ARMC9: variants seen among roughly 807,000 people sequenced by gnomAD.
The protein encoded by ARMC9 is lisH domain-containing protein ARMC9.
A neutral mutation model predicts 107.0 loss-of-function variants in ARMC9; 94 were observed. The ratio of observed to expected loss-of-function variants is 0.88; its 90% CI spans 0.74 to 1.04. ARMC9 has a LOEUF of 1.04. Among genes scored for constraint, ARMC9 ranks in the 50% least tolerant of loss-of-function variants. The pLI is 0.00. For missense variants in ARMC9, 942 were observed against 1,030.1 expected (o/e 0.91, Z 1.17); for synonymous variants, 380 against 396.9 (o/e 0.96, Z 0.51).
intron 12 of ARMC9, among the ~76,000 whole-genome samples, chr2:231,266,147 G>T (rs2038843370): frequency 6.6e-6 from 1 of 152,148 alleles, no homozygotes; most frequent in Non-Finnish European, 1.5e-5. Flanking sequence ...TGAATTCGTT[G>T]GTTCATTCCT....
Position 231,231,014 on chromosome 2 carries a change from G to A in ARMC9, c.623-4210G>A, listed in dbSNP as rs1036935448. Among the ~76,000 whole-genome samples, 40 of 152,154 alleles carry A rather than the reference G, an allele frequency of 2.6e-4. 1 individual carries two copies. Among genetic ancestry groups the A allele is most frequent in the Admixed American group, 9.2e-4 (14 of 15,260 alleles). ...TGCAGGCAGTTAGGCCTTTTATCCC[G>A]GAGATGTGCCACACTTTGAAATTGT... On this transcript the variant is annotated intron_variant, in intron 7 of 24. Transcript: ENST00000611582.
At chr2:231,266,318 G>T (rs1574867380) in intron 12 of ARMC9, among the ~76,000 whole-genome samples, 1 of 152,190 alleles carries the variant, frequency 6.6e-6, no homozygotes, top group African/African-American at 2.4e-5. Context: ...TAATACTGCT[G>T]GTCCAGGATG....
rs1279046693 is a variant in ARMC9 at position 231,345,019 on chromosome 2, T to C, written c.1923T>C (p.Asn641=). The stretch of plus-strand genomic sequence containing the variant: ...AGACAAGGCGGAAGGGGCTGGCTAA[T>C]GTGCAGTGGAGCGGGGATGAGCCCC... The part of the protein sequence containing the change: ...TGKTRRKGLA[N]VQWSGDEPLQ... The change falls in exon 21 of 25, where the codon AAT becomes AAC. Residue 641 remains asparagine (N), a synonymous_variant. Transcript: ENST00000611582. The C allele has an allele frequency of 1.9e-6, 3 of 1,614,062 alleles. No homozygotes were observed. The South Asian group carries it at 3.3e-5, about 18-fold the overall frequency.
At chr2:231,267,694 G>A (rs2038974137) in intron 12 of ARMC9, among the ~76,000 whole-genome samples, 1 of 152,186 alleles carries the variant, frequency 6.6e-6, no homozygotes, top group Admixed American at 6.5e-5. Flanking sequence ...ATGGAAGGGG[G>A]AGCTAGAACT....
intron 23 of ARMC9, among the ~76,000 whole-genome samples, chr2:231,368,211 C>G (rs2045889616): frequency 6.6e-6 from 1 of 152,010 alleles, no homozygotes; most frequent in Admixed American, 6.6e-5. Flanking sequence ...ACGTACAAAG[C>G]TCCTTTGTAT....
Position 231,206,230 on chromosome 2 carries a change from C to A in ARMC9, c.-9C>A, listed in dbSNP as rs1315864303. On this transcript the variant is annotated 5_prime_UTR_variant, in exon 2 of 25. Coordinates refer to ENST00000611582, the MANE Select transcript of ARMC9 (RefSeq NM_001352754.2). ...TGCTGTGAGAATTAATTACCAGTAA[C>A]AGTTCAATATGGGGGACATTCTGGC... 1 of 1,612,508 alleles carries A rather than the reference C, an allele frequency of 6.2e-7. No individual in the cohort carries two copies. Among genetic ancestry groups the A allele is most frequent in the Non-Finnish European group, 8.5e-7 (1 of 1,178,804 alleles).
In ARMC9 at chr2:231,216,662, A is replaced by T. The variant is rs1172299192; in HGVS notation, c.373A>T (p.Ile125Phe). ...RPDKEELDEK[I>F]SYFKTYLETK... Reference sequence around the variant, plus strand: ...GGACAAAGAGGAGCTGGATGAAAAGATTTCCTACTTCAAAACCTACCTGGA... The same window carrying T: ...GGACAAAGAGGAGCTGGATGAAAAGTTTTCCTACTTCAAAACCTACCTGGA... Residue 125 changes from isoleucine (I) to phenylalanine (F), a missense_variant, in exon 5 of 25, where the codon ATT becomes TTT. Physicochemically the swap from Ile to Phe is conservative, Grantham distance 21. Coordinates refer to ENST00000611582, the MANE Select transcript of ARMC9 (RefSeq NM_001352754.2). 1 of 1,613,662 alleles carries T rather than the reference A, an allele frequency of 6.2e-7. No homozygotes were observed.
intron 7 of ARMC9, among the ~76,000 whole-genome samples, chr2:231,233,858 A>G (rs529483394): frequency 6.6e-6 from 1 of 152,310 alleles, no homozygotes; most frequent in African/African-American, 2.4e-5. Context: ...AATAGTAGTA[A>G]TAGCCACCAC....
intron 7 of ARMC9, among the ~76,000 whole-genome samples, chr2:231,228,784 C>T (rs143313153): frequency 2.0e-5 from 3 of 152,036 alleles, no homozygotes; most frequent in African/African-American, 4.8e-5. Flanking sequence ...TCTGCCAGGT[C>T]GCTGTTCTGA....
At chr2:231,221,082 G>A (rs912159439) in intron 5 of ARMC9, among the ~76,000 whole-genome samples, 2 of 152,164 alleles carry the variant, frequency 1.3e-5, no homozygotes, top group Admixed American at 6.5e-5. Flanking sequence ...GCAGGCATTC[G>A]TTGTCTTACA....
chr2:231,219,249 A>G (rs1031254393), intron 5 of ARMC9, among the ~76,000 whole-genome samples: 1 of 151,016 alleles, frequency 6.6e-6, no homozygotes, highest in African/African-American at 2.4e-5. Flanking sequence ...TATAGCTACC[A>G]GTATTTTTGT....
At chr2:231,356,178 A>G (rs115074201) in intron 22 of ARMC9, among the ~76,000 whole-genome samples, 1,959 of 152,232 alleles carry the variant, frequency 0.013, 46 homozygotes, top group African/African-American at 0.043. Context: ...CTGGGGCAAG[A>G]TTTCTGACTG....
At chr2:231,315,635 G>GT (rs2042626420) in intron 19 of ARMC9, among the ~76,000 whole-genome samples, 1 of 152,176 alleles carries the variant, frequency 6.6e-6, no homozygotes, top group African/African-American at 2.4e-5. Flanking sequence ...CTCTATGCTA[G>GT]TACCACATGA....
In ARMC9 at chr2:231,371,958, A is replaced by G. The variant is rs1286689248; in HGVS notation, c.*423A>G. On this transcript the variant is annotated 3_prime_UTR_variant, in exon 25 of 25. Coordinates refer to ENST00000611582, the MANE Select transcript of ARMC9 (RefSeq NM_001352754.2). The stretch of plus-strand genomic sequence containing the variant: ...GGGCTTTTCCAAGGCTGCTGAAGCC[A>G]GCCCTCCTCACTTGGGCTGACTACC... 5.6e-6 allele frequency: 1 copy of G among 177,188 alleles called. No homozygotes were observed. 11.0% of individuals were successfully genotyped at this position (177,188 alleles called of 1,614,324 possible).
intron 3 of ARMC9, among the ~76,000 whole-genome samples, chr2:231,212,776 T>C (rs2033046271): frequency 6.6e-6 from 1 of 152,206 alleles, no homozygotes; most frequent in Non-Finnish European, 1.5e-5. Context: ...TGTGCTTTGT[T>C]TTGGCAACCC....
At chr2:231,236,830 G>A (rs555674706) in intron 8 of ARMC9, among the ~76,000 whole-genome samples, 2 of 152,128 alleles carry the variant, frequency 1.3e-5, no homozygotes, top group Non-Finnish European at 2.9e-5. Flanking sequence ...TGTAATCCCA[G>A]CTACTCGGGA....
chr2:231,234,699 G>A (rs1285050066), intron 7 of ARMC9, among the ~76,000 whole-genome samples: 2 of 152,116 alleles, frequency 1.3e-5, no homozygotes, highest in African/African-American at 4.8e-5. Context: ...TGCCTCCCAG[G>A]TTCAAGCGAT....
intron 20 of ARMC9, among the ~76,000 whole-genome samples, chr2:231,344,773 G>A (rs1472573265): frequency 1.3e-5 from 2 of 152,084 alleles, no homozygotes; most frequent in East Asian, 1.9e-4. Context: ...GCTAAATGGT[G>A]TGATACACAA....
intron 17 of ARMC9, among the ~76,000 whole-genome samples, chr2:231,291,132 G>A (rs1033338179): frequency 6.6e-6 from 1 of 152,122 alleles, no homozygotes; most frequent in African/African-American, 2.4e-5. Context: ...CAAAGAGATA[G>A]TTACCAACCA....
Sources: allele counts gnomAD v4.1 joint callset (sites outside exome capture counted in the v4.1 genomes callset), GRCh38; gene constraint gnomAD v4.1.1; transcripts MANE v1.5; gene names NCBI Gene and HGNC (gene_info 2026-07-23, HGNC 2026-07-21).